Variants in ZFHX3 observed in about 807,000 individuals in gnomAD.
The protein encoded by ZFHX3 is zinc finger homeobox protein 3.
ZFHX3 carries 42 observed loss-of-function variants against 279.1 expected under a neutral mutation model. The observed-to-expected ratio is 0.15, with a 90% CI of 0.12 to 0.19. The LOEUF (loss-of-function observed/expected upper bound fraction) is 0.19, where lower values mean the gene tolerates loss of function less well. ZFHX3 is among the 10% of genes least tolerant of loss of function. The pLI is 1.00. For synonymous variants in ZFHX3, 2,293 were observed against 1,957.8 expected, an observed-to-expected ratio of 1.17 and a Z score of -4.52; for missense variants, 4,981 against 4,754.0, an observed-to-expected ratio of 1.05 and a Z score of -1.40.
intron 1 of ZFHX3, among the ~76,000 whole-genome samples, chr16:73,046,035 A>C (rs1965288625): frequency 1.3e-5 from 2 of 152,198 alleles, no homozygotes; most frequent in South Asian, 4.1e-4. Flanking sequence ...ACTATGCTGG[A>C]AACACCATGA....
chr16:73,275,413 G>A (rs2014267891), intron 4 of ZFHX3, among the ~76,000 whole-genome samples: 1 of 142,588 alleles, frequency 7.0e-6, no homozygotes, highest in African/African-American at 3.0e-5. Flanking sequence ...GGGTGGTCAT[G>A]ACTGCTGGGG....
chr16:73,630,020 G>A (rs919305041), intron 2 of ZFHX3, among the ~76,000 whole-genome samples: 3 of 151,808 alleles, frequency 2.0e-5, no homozygotes, highest in Non-Finnish European at 2.9e-5. Flanking sequence ...AACCATCCCC[G>A]GCCCATCCAT....
At chr16:73,478,355 A>G (rs563897346) in intron 2 of ZFHX3, among the ~76,000 whole-genome samples, 2 of 152,108 alleles carry the variant, frequency 1.3e-5, no homozygotes, top group East Asian at 1.9e-4. Context: ...CCTCAGATTA[A>G]AAGTCTGATG....
intron 4 of ZFHX3, among the ~76,000 whole-genome samples, chr16:72,889,487 TAAAAA>T (rs372928371): frequency 3.5e-5 from 4 of 115,904 alleles, no homozygotes; most frequent in Admixed American, 1.9e-4. Context: ...CAATTTCCTT[TAAAAA>T]AAAAAAAAAA....
intron 4 of ZFHX3, among the ~76,000 whole-genome samples, chr16:72,872,103 AC>A (rs1387884909): frequency 1.2e-5 from 1 of 83,534 alleles, no homozygotes; most frequent in Non-Finnish European, 2.4e-5. Context: ...AAAACAAAAA[AC>A]AAAAAAAAAA....
intron 1 of ZFHX3, among the ~76,000 whole-genome samples, chr16:73,733,932 G>C (rs979394296): frequency 2.0e-5 from 3 of 152,130 alleles, no homozygotes; most frequent in Non-Finnish European, 4.4e-5. Flanking sequence ...GGTAACAGTG[G>C]TCCCCAATTT....
In ZFHX3 at chr16:72,889,744, G is replaced by C. The variant is rs2144072840; in HGVS notation, c.3435C>G (p.Pro1145=). 1 of 1,612,408 alleles carries C rather than the reference G, an allele frequency of 6.2e-7. No individual in the cohort carries two copies. The highest frequency in any genetic ancestry group is 1.1e-5 in the South Asian group (1 of 90,996). The change falls in exon 4 of 10, where the codon CCC becomes CCG. Residue 1145 remains proline (P), a synonymous_variant. Transcript: ENST00000268489. ...LGQIFTIRRC[P]STDPEEAIED... is the part of the protein sequence containing the mutation. ...GAGACCACTCACCTGGGTCCGTGGA[G>C]GGGCACCTGCGGATGGTGAAGATCT... is the stretch of plus-strand genomic sequence containing the variant.
chr16:73,601,568 A>G (rs1467955335), intron 2 of ZFHX3, among the ~76,000 whole-genome samples: 2 of 152,182 alleles, frequency 1.3e-5, no homozygotes, highest in Non-Finnish European at 2.9e-5. Context: ...GAGGGCAGAA[A>G]ATATGTTTAT....
chr16:73,371,599 G>C (rs1192121935), intron 3 of ZFHX3, among the ~76,000 whole-genome samples: 1 of 151,954 alleles, frequency 6.6e-6, no homozygotes, highest in African/African-American at 2.4e-5. Flanking sequence ...AAAAGGAACT[G>C]GTGCACCGGG....
At chr16:73,231,189 A>G (rs1364352409) in intron 5 of ZFHX3, among the ~76,000 whole-genome samples, 2 of 152,222 alleles carry the variant, frequency 1.3e-5, no homozygotes, top group African/African-American at 4.8e-5. Context: ...GTGCATGCCC[A>G]GCATCACTGT....
chr16:73,021,184 A>C (rs1183791338), intron 1 of ZFHX3, among the ~76,000 whole-genome samples: 1 of 152,204 alleles, frequency 6.6e-6, no homozygotes, highest in Non-Finnish European at 1.5e-5. Context: ...GGCTCAATAA[A>C]AGGAAAGACT....
chr16:73,555,943 G>C (rs577379433), intron 2 of ZFHX3, among the ~76,000 whole-genome samples: 50 of 152,318 alleles, frequency 3.3e-4, no homozygotes, highest in African/African-American at 1.1e-3. Context: ...TTTTGTTTAA[G>C]TGTCTAGAGA....
intron 1 of ZFHX3, among the ~76,000 whole-genome samples, chr16:73,045,257 T>C (rs921021579): frequency 2.6e-5 from 4 of 152,238 alleles, no homozygotes; most frequent in Non-Finnish European, 4.4e-5. Flanking sequence ...GAAATACTTT[T>C]CCAGCAGTCT....
Position 72,950,615 on chromosome 16 carries a change from C to T in ZFHX3, c.3070G>A (p.Ala1024Thr). ...ACACACTTGAGCCTCCACTCGTTGG[C>T]CTTGCCGCCCTCCTTGATGTGGGCC... is the stretch of plus-strand genomic sequence containing the variant. ...LVAHIKEGGK[A>T]NEWRLKCVAI... Residue 1024 changes from alanine (A) to threonine (T), a missense_variant, in exon 3 of 10, where the codon GCC becomes ACC. Transcript: ENST00000268489. 1 of 1,614,214 alleles carries T rather than the reference C, an allele frequency of 6.2e-7. No individual in the cohort carries two copies.
chr16:73,232,193 G>C (rs767714744), intron 5 of ZFHX3: 11 of 152,172 alleles, frequency 7.2e-5, no homozygotes, highest in Non-Finnish European at 1.5e-4. Flanking sequence ...ATCCAAATGC[G>C]GTTCTGCCTC....
chr16:72,922,671 T>C (rs2039612629), intron 3 of ZFHX3, among the ~76,000 whole-genome samples: 1 of 152,222 alleles, frequency 6.6e-6, no homozygotes, highest in Non-Finnish European at 1.5e-5. Flanking sequence ...TCTTCGTACC[T>C]GGCTTTCTTC....
chr16:73,274,801 G>T (rs937792652), intron 4 of ZFHX3, among the ~76,000 whole-genome samples: 2 of 152,156 alleles, frequency 1.3e-5, no homozygotes, highest in Non-Finnish European at 1.5e-5. Context: ...TTATGCCACA[G>T]TAATTACCAG....
At chr16:72,947,024 T>G (rs1442727819) in intron 3 of ZFHX3, among the ~76,000 whole-genome samples, 1 of 152,156 alleles carries the variant, frequency 6.6e-6, no homozygotes. Flanking sequence ...TGTCAGCCAA[T>G]CACGGGGATC....
intron 7 of ZFHX3, among the ~76,000 whole-genome samples, chr16:73,109,308 A>G (rs896778715): frequency 2.0e-5 from 3 of 152,200 alleles, no homozygotes; most frequent in African/African-American, 4.8e-5. Flanking sequence ...TTTTCACCCA[A>G]CAGTCCATCT....
Sources: allele counts gnomAD v4.1 joint callset (sites outside exome capture counted in the v4.1 genomes callset), GRCh38; gene constraint gnomAD v4.1.1; transcripts MANE v1.5; gene names NCBI Gene and HGNC (gene_info 2026-07-23, HGNC 2026-07-21).